The following TMEM8B variants were observed in gnomAD, a reference collection of about 807,000 sequenced individuals.
TMEM8B encodes transmembrane protein 8B, also known as nasopharyngeal carcinoma expressed 6.
Under a neutral mutation model 49.3 loss-of-function variants are expected in TMEM8B, and 29 were observed. The ratio of observed to expected loss-of-function variants is 0.59; its 90% CI spans 0.44 to 0.80. The LOEUF (loss-of-function observed/expected upper bound fraction) is 0.80, where lower values mean the gene tolerates loss of function less well. Ranked by LOEUF, TMEM8B falls within the 30% of genes least tolerant of loss-of-function variation. The pLI is 0.00. For missense variants in TMEM8B, 575 were observed against 658.5 expected, an observed-to-expected ratio of 0.87 and a Z score of 1.39; for synonymous variants, 264 against 272.8, an observed-to-expected ratio of 0.97 and a Z score of 0.32.
intron 10 of TMEM8B, among the ~76,000 whole-genome samples, chr9:35,849,132 A>G (rs1199660301): frequency 6.6e-6 from 1 of 152,036 alleles, no homozygotes; most frequent in East Asian, 1.9e-4. Flanking sequence ...CCTCCTTGCC[A>G]TTCGTAGACT....
rs1213254590 is a variant in TMEM8B, at chr9:35,845,964, G to A, written c.1636-11G>A. 4 of 1,613,678 alleles carry A rather than the reference G, an allele frequency of 2.5e-6. No individual in the cohort carries two copies. Among genetic ancestry groups the A allele is most frequent in the Non-Finnish European group, 1.7e-6 (2 of 1,179,830 alleles). Reference sequence around the variant, plus strand: ...ATGTGGCGGCCTCACTTCCATACCTGCCCTCCCCAGAGCTCCGTGCGCCAG... The same window carrying A: ...ATGTGGCGGCCTCACTTCCATACCTACCCTCCCCAGAGCTCCGTGCGCCAG... On this transcript the variant is annotated splice_polypyrimidine_tract_variant and intron_variant, in intron 6 of 12. Transcript: ENST00000643932.
rs1424757266 is a variant in TMEM8B, at chr9:35,834,558, T to A, written c.606T>A (p.Pro202=). ...ASTELFHFHV[P]EDTFLAVWNL... is the part of the protein sequence containing the mutation. ...CCGAGCTCTTCCACTTCCATGTTCC[T>A]GAGGACACATTCCTGGCTGTTTGGA... The change falls in exon 2 of 13, where the codon CCT becomes CCA. Residue 202 remains proline, a synonymous_variant. Coordinates refer to ENST00000643932, the MANE Select transcript of TMEM8B (RefSeq NM_001042590.4). 2.4e-6 allele frequency: 1 copy of A among 416,302 alleles called. No individual in the cohort carries two copies. The highest frequency in any genetic ancestry group is 3.6e-5 in the East Asian group (1 of 28,094). 25.8% of individuals were successfully genotyped at this position (416,302 alleles called of 1,614,324 possible).
At chr9:35,838,925 C>T (rs1830704006) in intron 3 of TMEM8B, among the ~76,000 whole-genome samples, 1 of 152,246 alleles carries the variant, frequency 6.6e-6, no homozygotes, top group Non-Finnish European at 1.5e-5. Context: ...ATTTCCACTT[C>T]TAGCACAGCT....
In TMEM8B at chr9:35,846,834, T is replaced by A. The variant is rs956698623; in HGVS notation, c.2014T>A (p.Cys672Ser). The A allele has an allele frequency of 3.1e-6, 5 of 1,613,786 alleles. No homozygotes were observed. Among genetic ancestry groups the A allele is most frequent in the Non-Finnish European group, 4.2e-6 (5 of 1,179,842 alleles). The change falls in exon 10 of 13, where the codon TGC becomes AGC. Residue 672 changes from cysteine to serine, a missense_variant. Transcript: ENST00000643932. ...ACCCGCAGGGTGGAGAGGCTGGGGC[T>A]GCACCGACAGTGCAGATGCGCTCAC... ...ECKAGWRGWG[C>S]TDSADALTYG... is the part of the protein sequence containing the mutation.
At position 35,841,931 on chromosome 9, in the gene TMEM8B, AG is replaced by A. The variant is rs1831043636; in HGVS notation, c.1309+138del. On this transcript the variant is annotated intron_variant, in intron 5 of 12. Transcript: ENST00000643932. This position sits in a 1 kb window ranked among gnomAD's most constrained non-coding sequence, Gnocchi z 5.9. ...TCCCAAGCTCCTTCATGCTCCCTGA[AG>A]CCATCACACTTGGAGCTCCAAGTTA... 7.3e-6 allele frequency: 3 copies of A among 408,888 alleles called. No individual in the cohort carries two copies. The East Asian group carries it at 1.1e-4, about 15-fold the overall frequency. The allele number at this position is 408,888 out of a possible 1,614,324, so 25.3% of individuals were successfully genotyped here. A position where few individuals can be genotyped will look rare whatever the true frequency, so the allele number is the denominator to read the frequency against.
At position 35,858,934 on chromosome 9, in the gene TMEM8B, A is replaced by C. The variant is rs1026631435; in HGVS notation, c.*5094A>C. ...CCCCACCAGCCTCTGGTGGACCTGC[A>C]TCAGGAGCAAGAAACAAACCTTAAT... On this transcript the variant is annotated 3_prime_UTR_variant, in exon 13 of 13. Transcript: ENST00000643932. 3 of 152,566 alleles carry C rather than the reference A, an allele frequency of 2.0e-5. No individual in the cohort carries two copies. The highest frequency in any genetic ancestry group is 7.2e-5 in the African/African-American group (3 of 41,460). The allele number at this position is 152,566 out of a possible 1,614,324, so 9.5% of individuals were successfully genotyped here.
In TMEM8B at chr9:35,832,168, G is replaced by GGTGTGTGT. The variant is rs34044138; in HGVS notation, c.508+2238_508+2245dup. Among the ~76,000 whole-genome samples the GGTGTGTGT allele has an allele frequency of 6.4e-3, 942 of 146,822 alleles. 17 individuals carry two copies. Among genetic ancestry groups the GGTGTGTGT allele is most frequent in the African/African-American group, 0.021 (851 of 39,724 alleles). ...CTCAGCCTATGTGTGTAGGTGTAGG[G>GGTGTGTGT]GTGTGTGTGTGTGTGTGTGTGTGTG... is the stretch of plus-strand genomic sequence containing the variant. On this transcript the variant is annotated intron_variant, in intron 1 of 12. Transcript: ENST00000643932.
intron 10 of TMEM8B, among the ~76,000 whole-genome samples, chr9:35,851,166 A>G (rs1297930069): frequency 6.6e-6 from 1 of 152,170 alleles, no homozygotes; most frequent in African/African-American, 2.4e-5. Flanking sequence ...GGCAGAGTGC[A>G]GTGGCATGAT....
In TMEM8B at chr9:35,862,871, A is replaced by G. The variant is rs1832674967; in HGVS notation, c.*9031A>G. The G allele has an allele frequency of 6.6e-6, 1 of 152,190 alleles. No homozygotes were observed. Among genetic ancestry groups the G allele is most frequent in the South Asian group, 2.1e-4 (1 of 4,836 alleles). The allele number at this position is 152,190 out of a possible 1,614,324, so 9.4% of individuals were successfully genotyped here. ...TTGTATATCTCTCTCTGACTAGACT[A>G]TGAGCTATTGCAGTGAAAGGGCTGT... On this transcript the variant is annotated 3_prime_UTR_variant, in exon 13 of 13. Transcript: ENST00000643932.
At chr9:35,830,084 G>A (rs1377559356) in intron 1 of TMEM8B, 129 bp downstream of exon 1, 2 of 401,406 alleles carry the variant, frequency 5.0e-6, no homozygotes, top group Non-Finnish European at 8.8e-6. Flanking sequence ...GAAATAGAGA[G>A]TAGAGAGGTC....
chr9:35,829,401 G>A lies in TMEM8B; in HGVS notation c.-47G>A, dbSNP rs1463470136. On this transcript the variant is annotated 5_prime_UTR_variant, in exon 1 of 13. Coordinates refer to ENST00000643932, the MANE Select transcript of TMEM8B (RefSeq NM_001042590.4). ...GGGAGCGGAGCCGCGGGCCAGCTCTGCGAGCGCCCCGCGCTGGCCTGTCCG... is the reference window on the plus strand; with the variant it reads ...GGGAGCGGAGCCGCGGGCCAGCTCTACGAGCGCCCCGCGCTGGCCTGTCCG... 1 of 344,002 alleles carries A rather than the reference G, an allele frequency of 2.9e-6. No homozygotes were observed. The highest frequency in any genetic ancestry group is 5.2e-6 in the Non-Finnish European group (1 of 191,888). The allele number at this position is 344,002 out of a possible 1,614,324, so 21.3% of individuals were successfully genotyped here.
intron 3 of TMEM8B, among the ~76,000 whole-genome samples, chr9:35,837,932 TC>T (rs1184911734): frequency 1.3e-5 from 2 of 152,144 alleles, no homozygotes; most frequent in African/African-American, 4.8e-5. Context: ...GGGAAAGTAC[TC>T]CCAAATGTCT....
Position 35,841,729 on chromosome 9 carries a change from G to A in TMEM8B, c.1244G>A (p.Arg415His), listed in dbSNP as rs975852693. ...LPPWGHWVYV[R>H]VETSSRGPGR... ...CCCTGGGGGCACTGGGTCTACGTGC[G>A]TGTGGAAACATCATCCCGGGGCCCT... is the stretch of plus-strand genomic sequence containing the variant. The change falls in exon 5 of 13, where the codon CGT (arginine) becomes CAT (histidine). Residue 415 changes from arginine (R) to histidine (H), a missense_variant. Coordinates refer to ENST00000643932, the MANE Select transcript of TMEM8B (RefSeq NM_001042590.4). This position sits in a 1 kb window ranked among gnomAD's most constrained non-coding sequence, Gnocchi z 5.9. 3.8e-5 allele frequency: 16 copies of A among 415,950 alleles called. No individual in the cohort carries two copies. Among genetic ancestry groups the A allele is most frequent in the Admixed American group, 2.2e-4 (5 of 22,750 alleles). 25.8% of individuals were successfully genotyped at this position (415,950 alleles called of 1,614,324 possible). A position where few individuals can be genotyped will look rare whatever the true frequency, so the allele number is the denominator to read the frequency against.
rs1829636563 is a variant in TMEM8B, at chr9:35,829,543, C to CCTGCCT, written c.97_102dup (p.Leu33_Pro34dup). On this transcript the variant is annotated inframe_insertion, in exon 1 of 13. Coordinates refer to ENST00000643932, the MANE Select transcript of TMEM8B (RefSeq NM_001042590.4). ...CCCGCTTCCCACATCGGCCCCAGCC[C>CCTGCCT]CTGCCTGGGTCCCCATCCAGGACCC... The CCTGCCT allele has an allele frequency of 2.5e-6, 1 of 399,126 alleles. No homozygotes were observed. Among genetic ancestry groups the CCTGCCT allele is most frequent in the East Asian group, 3.6e-5 (1 of 28,038 alleles). The allele number at this position is 399,126 out of a possible 1,614,324, so 24.7% of individuals were successfully genotyped here.
intron 1 of TMEM8B, among the ~76,000 whole-genome samples, chr9:35,834,031 TACACACAC>T (rs377460934): frequency 5.1e-4 from 71 of 138,408 alleles, no homozygotes; most frequent in East Asian, 2.2e-3. Flanking sequence ...CATGCCAAAA[TACACACAC>T]ACACACACAC....
intron 6 of TMEM8B, among the ~76,000 whole-genome samples, chr9:35,843,349 A>G (rs1430898881): frequency 1.3e-5 from 2 of 152,156 alleles, no homozygotes; most frequent in Non-Finnish European, 2.9e-5. Context: ...ATTACATCCC[A>G]GTCCTATTTT....
At chr9:35,836,387 G>A (rs72727077) in intron 3 of TMEM8B, among the ~76,000 whole-genome samples, 9 of 152,334 alleles carry the variant, frequency 5.9e-5, no homozygotes, top group Admixed American at 6.5e-5. Context: ...GAATGCCTTC[G>A]TAGGTCTTTG....
chr9:35,854,109 G>A lies in TMEM8B; in HGVS notation c.*269G>A. On this transcript the variant is annotated 3_prime_UTR_variant, in exon 13 of 13. Transcript: ENST00000643932. ...CCCTCAGGACCAAGGAGTCCCTCCTGCAGGTGTGGAGCCTTTCCTGGGATG... is the reference window on the plus strand; with the variant it reads ...CCCTCAGGACCAAGGAGTCCCTCCTACAGGTGTGGAGCCTTTCCTGGGATG... 9.6e-7 allele frequency: 1 copy of A among 1,039,956 alleles called. No homozygotes were observed. Among genetic ancestry groups the A allele is most frequent in the Non-Finnish European group, 1.2e-6 (1 of 819,186 alleles). 64.4% of individuals were successfully genotyped at this position (1,039,956 alleles called of 1,614,324 possible). A position where few individuals can be genotyped will look rare whatever the true frequency, so the allele number is the denominator to read the frequency against.
chr9:35,846,850 A>T lies in TMEM8B; in HGVS notation c.2030A>T (p.Asp677Val). Residue 677 changes from aspartate to valine, a missense_variant, in exon 10 of 13, where the codon GAT becomes GTT. Physicochemically the swap from Asp to Val is radical, Grantham distance 152. Coordinates refer to ENST00000643932, the MANE Select transcript of TMEM8B (RefSeq NM_001042590.4). The stretch of plus-strand genomic sequence containing the variant: ...GGCTGGGGCTGCACCGACAGTGCAG[A>T]TGCGCTCACCTATGGATTCCAGCTG... Reference protein sequence around the residue: ...WRGWGCTDSADALTYGFQLLS... With the variant: ...WRGWGCTDSAVALTYGFQLLS... The T allele has an allele frequency of 6.2e-7, 1 of 1,614,150 alleles. No homozygotes were observed. The highest frequency in any genetic ancestry group is 8.5e-7 in the Non-Finnish European group (1 of 1,180,018).
Sources: gnomAD v4.1 joint callset for allele counts (sites outside exome capture counted in the v4.1 genomes callset) on GRCh38, gnomAD v4.1.1 for gene constraint, Gnocchi (gnomAD v3.1) non-coding constraint, MANE v1.5 for transcripts, NCBI Gene and HGNC (gene_info 2026-07-23, HGNC 2026-07-21) for gene names.